SERGEF: variants seen among roughly 807,000 people sequenced by gnomAD.
The protein encoded by SERGEF is secretion regulating guanine nucleotide exchange factor, also known as secretion-regulating guanine nucleotide exchange factor.
In SERGEF, 51 loss-of-function variants were observed where a neutral mutation model predicts 50.0. The ratio of observed to expected loss-of-function variants is 1.02; its 90% CI spans 0.81 to 1.29. SERGEF has a LOEUF of 1.29. Among genes scored for constraint, SERGEF ranks in the 50% most tolerant of loss-of-function variants. SERGEF has a pLI of 0.00. For synonymous variants in SERGEF, 205 were observed against 212.4 expected, an observed-to-expected ratio of 0.97 and a Z score of 0.30; for missense variants, 521 against 557.0, an observed-to-expected ratio of 0.94 and a Z score of 0.65.
intron 9 of SERGEF, among the ~76,000 whole-genome samples, chr11:17,894,054 A>G (rs1227979914): frequency 1.3e-5 from 2 of 152,150 alleles, no homozygotes; most frequent in Non-Finnish European, 2.9e-5. Context: ...ATTTTGCTCC[A>G]CATTGCCGAA....
intron 9 of SERGEF, 22 bp downstream of exon 9, chr11:17,959,448 T>G: frequency 6.2e-7 from 1 of 1,607,620 alleles, no homozygotes; most frequent in Non-Finnish European, 8.5e-7. Context: ...ACAGATTACA[T>G]CTGTGAGAAG....
chr11:17,817,155 T>C (rs1849989254), intron 10 of SERGEF, among the ~76,000 whole-genome samples: 1 of 152,076 alleles, frequency 6.6e-6, no homozygotes, highest in African/African-American at 2.4e-5. Context: ...AACTAACATT[T>C]ACTGAGAACT....
At chr11:17,820,927 G>C (rs545604421) in intron 10 of SERGEF, among the ~76,000 whole-genome samples, 2 of 152,238 alleles carry the variant, frequency 1.3e-5, no homozygotes, top group South Asian at 4.2e-4. Context: ...AAGCTGGAAG[G>C]GTCAAAGAAC....
intron 10 of SERGEF, among the ~76,000 whole-genome samples, chr11:17,860,602 A>C (rs2133882334): frequency 6.6e-6 from 1 of 152,334 alleles, no homozygotes; most frequent in Admixed American, 6.5e-5. Flanking sequence ...TAAGCCTTTT[A>C]GTATTTAGAA....
intron 8 of SERGEF, among the ~76,000 whole-genome samples, chr11:17,968,642 T>G (rs1853182083): frequency 1.3e-5 from 2 of 151,590 alleles, no homozygotes; most frequent in South Asian, 4.2e-4. Context: ...AATTCAAGGT[T>G]GCAGGGAGCT....
chr11:17,970,699 A>G lies in SERGEF; in HGVS notation c.845-11063T>C, dbSNP rs561360023. ...CTAGTGGACACCCTAATGATAAGAA[A>G]GCAAAATGGCCTTTTTGCTGATATA... On this transcript the variant is annotated intron_variant, in intron 8 of 10. Transcript: ENST00000265965. Among the ~76,000 whole-genome samples, 4 of 152,226 alleles carry G rather than the reference A, an allele frequency of 2.6e-5. No homozygotes were observed. The East Asian group carries it at 7.7e-4, about 29-fold the overall frequency.
chr11:17,988,684 C>T lies in SERGEF; in HGVS notation c.757G>A (p.Val253Met), dbSNP rs763960810. ...CAATGTGCTTCTATTTTCTGGGGCA[C>T]AGGAAGGAAAGCAGCCTCATTAGCC... The part of the protein sequence containing the change: ...QLANEAAFLP[V>M]PQKIEAHCFQ... Residue 253 changes from valine (V) to methionine (M), a missense_variant, in exon 8 of 11, where the codon GTG becomes ATG. Val to Met is a conservative substitution (Grantham distance 21). Transcript: ENST00000265965. The T allele has an allele frequency of 2.5e-6, 4 of 1,614,136 alleles. No homozygotes were observed. The South Asian group carries it at 3.3e-5, about 13-fold the overall frequency.
chr11:18,000,853 T>C (rs1241199440), intron 4 of SERGEF: 2 of 550,702 alleles, frequency 3.6e-6, no homozygotes, highest in East Asian at 8.9e-5. Context: ...AAGGGACAGT[T>C]AGTAAATGTT....
chr11:17,989,702 T>C (rs1359570740), intron 7 of SERGEF, among the ~76,000 whole-genome samples: 1 of 152,206 alleles, frequency 6.6e-6, no homozygotes, highest in East Asian at 1.9e-4. Flanking sequence ...TACTACCCAA[T>C]ACAGTAGTTC....
At chr11:17,997,220 G>A (rs552595087) in intron 5 of SERGEF, among the ~76,000 whole-genome samples, 274 of 152,206 alleles carry the variant, frequency 1.8e-3, no homozygotes, top group African/African-American at 6.3e-3. Flanking sequence ...AGGGAGGAGG[G>A]TGCAGTGCAA....
chr11:17,816,743 G>A (rs1309461537), intron 10 of SERGEF, among the ~76,000 whole-genome samples: 1 of 152,292 alleles, frequency 6.6e-6, no homozygotes, highest in East Asian at 1.9e-4. Context: ...GCAGAGTCTT[G>A]TCTCTTGTGG....
chr11:17,790,339 T>A (rs1387440939), intron 10 of SERGEF, among the ~76,000 whole-genome samples: 2 of 140,734 alleles, frequency 1.4e-5, no homozygotes, highest in Non-Finnish European at 3.2e-5. Flanking sequence ...ATTCACATAT[T>A]TTTTTTTTTT....
rs1046845119 is a variant in SERGEF, at chr11:17,884,383, G to C, written c.1012-6139C>G. On this transcript the variant is annotated intron_variant, in intron 9 of 10. Coordinates refer to ENST00000265965, the MANE Select transcript of SERGEF (RefSeq NM_012139.4). The surrounding 1 kb of genome is among the most constrained non-coding windows in gnomAD (Gnocchi z 4.6). ...AGCCCCAGCTGGCTGGGCAGCCTGC[G>C]CCGCCTGGGTTAACAGGGCGAGGGA... 1.3e-5 allele frequency among the ~76,000 whole-genome samples: 2 copies of C among 152,082 alleles called. No homozygotes were observed. Among genetic ancestry groups the C allele is most frequent in the Admixed American group, 6.5e-5 (1 of 15,278 alleles).
chr11:17,883,842 G>A (rs1851379186), intron 9 of SERGEF, among the ~76,000 whole-genome samples: 1 of 152,202 alleles, frequency 6.6e-6, no homozygotes, highest in Non-Finnish European at 1.5e-5. Flanking sequence ...TTAGGGGAAC[G>A]GCTGCAAAGT....
intron 10 of SERGEF, among the ~76,000 whole-genome samples, chr11:17,865,081 C>A (rs1398268284): frequency 6.6e-6 from 1 of 152,166 alleles, no homozygotes; most frequent in Non-Finnish European, 1.5e-5. Flanking sequence ...CAAAACATCA[C>A]CAAGTTTCGG....
intron 1 of SERGEF, chr11:18,009,987 A>G: frequency 7.7e-6 from 4 of 516,408 alleles, no homozygotes; most frequent in Non-Finnish European, 1.2e-5. Flanking sequence ...AGCTTTTTGT[A>G]TTCAGAATTG....
Position 17,874,335 on chromosome 11 carries a change from C to A in SERGEF, c.1048+3873G>T, listed in dbSNP as rs1451032945. The A allele has an allele frequency of 2.6e-4, 40 of 152,170 alleles. 1 individual carries two copies. Among genetic ancestry groups the A allele is most frequent in the Admixed American group, 2.6e-3 (39 of 15,282 alleles). 9.4% of individuals were successfully genotyped at this position (152,170 alleles called of 1,614,324 possible). A position where few individuals can be genotyped will look rare whatever the true frequency, so the allele number is the denominator to read the frequency against. On this transcript the variant is annotated intron_variant, in intron 10 of 10. Coordinates refer to ENST00000265965, the MANE Select transcript of SERGEF (RefSeq NM_012139.4). ...GTACAAGGCATATAGGCAGAGAATG[C>A]CCAAGCCAGCCATGGTCAATGGCCT...
chr11:17,849,479 C>A (rs1277429216), intron 10 of SERGEF, among the ~76,000 whole-genome samples: 4 of 151,186 alleles, frequency 2.6e-5, no homozygotes, highest in Non-Finnish European at 3.0e-5. Context: ...GATAAAACAA[C>A]CCCCCCAACC....
intron 7 of SERGEF, among the ~76,000 whole-genome samples, chr11:17,989,186 T>C (rs1013703759): frequency 2.0e-5 from 3 of 152,248 alleles, no homozygotes; most frequent in African/African-American, 4.8e-5. Context: ...TTTTTAAACA[T>C]AAGATTATTT....
Sources: allele counts gnomAD v4.1 joint callset (sites outside exome capture counted in the v4.1 genomes callset), GRCh38; gene constraint gnomAD v4.1.1; non-coding constraint Gnocchi (gnomAD v3.1); transcripts MANE v1.5; gene names NCBI Gene and HGNC (gene_info 2026-07-23, HGNC 2026-07-21).